Variants in PCTP observed in about 807,000 individuals in gnomAD.
PCTP encodes the protein phosphatidylcholine transfer protein.
PCTP carries 27 observed loss-of-function variants against 31.0 expected under a neutral mutation model. The observed-to-expected ratio is 0.87, with a 90% CI of 0.64 to 1.20. The LOEUF (loss-of-function observed/expected upper bound fraction) is 1.20. PCTP is among the 50% of genes most tolerant of loss of function. The pLI is 0.00. For missense variants in PCTP, 287 were observed against 268.2 expected, an observed-to-expected ratio of 1.07 and a Z score of -0.49; for synonymous variants, 108 against 101.2, an observed-to-expected ratio of 1.07 and a Z score of -0.40.
downstream of PCTP, among the ~76,000 whole-genome samples, chr17:55,845,285 A>G (rs753488357): frequency 1.7e-4 from 26 of 151,966 alleles, no homozygotes; most frequent in Admixed American, 8.5e-4. Context: ...CACTTTGCTC[A>G]TAGGTCTTTC....
At chr17:55,793,289 G>C (rs1279967717) in intron 3 of PCTP, among the ~76,000 whole-genome samples, 1 of 152,010 alleles carries the variant, frequency 6.6e-6, no homozygotes, top group Non-Finnish European at 1.5e-5. Flanking sequence ...AAACACTTGG[G>C]GAGGATGAGG....
chr17:55,844,554 T>C (rs1186481735), downstream of PCTP, among the ~76,000 whole-genome samples: 2 of 151,972 alleles, frequency 1.3e-5, no homozygotes, highest in Non-Finnish European at 2.9e-5. Flanking sequence ...AGAGGAGAAA[T>C]AGAAGATCTG....
intron 5 of PCTP, chr17:55,775,401 C>G: frequency 6.5e-6 from 8 of 1,232,036 alleles, no homozygotes; most frequent in Non-Finnish European, 8.1e-6. Context: ...ACAAGATCTA[C>G]TACTAGAGAG....
At chr17:55,800,675 CT>C (rs940474063) in intron 3 of PCTP, among the ~76,000 whole-genome samples, 6 of 152,088 alleles carry the variant, frequency 3.9e-5, no homozygotes, top group Admixed American at 2.0e-4. Flanking sequence ...ATAAATAGCT[CT>C]TATTATGTTG....
chr17:55,843,602 A>G (rs760959144), downstream of PCTP, among the ~76,000 whole-genome samples: 5 of 152,116 alleles, frequency 3.3e-5, no homozygotes, highest in Non-Finnish European at 7.4e-5. Flanking sequence ...AGTTCTTCTA[A>G]CCTTTCTTTC....
At chr17:55,763,996 G>A (rs1910491983) in intron 1 of PCTP, among the ~76,000 whole-genome samples, 2 of 152,156 alleles carry the variant, frequency 1.3e-5, no homozygotes. Flanking sequence ...AATGTTTAAA[G>A]GAAGTTGTCG....
chr17:55,812,363 C>T (rs530463767), intron 3 of PCTP, among the ~76,000 whole-genome samples: 2 of 152,292 alleles, frequency 1.3e-5, no homozygotes, highest in East Asian at 1.9e-4. Context: ...GTATTTCCCC[C>T]ATGGTACAAA....
In PCTP at chr17:55,776,640, T is replaced by G; in HGVS notation, c.*540T>G. The G allele has an allele frequency of 8.1e-7, 1 of 1,229,976 alleles. No homozygotes were observed. The highest frequency in any genetic ancestry group is 3.2e-5 in the East Asian group (1 of 31,648). The allele number at this position is 1,229,976 out of a possible 1,614,324, so 76.2% of individuals were successfully genotyped here. On this transcript the variant is annotated 3_prime_UTR_variant, in exon 6 of 6. Transcript: ENST00000268896. Reference sequence around the variant, plus strand: ...GACGTGCCAATGTCCATTTGCCTTATGCTTTGTGGAGCTGATTAGGCTGGG... The same window carrying G: ...GACGTGCCAATGTCCATTTGCCTTAGGCTTTGTGGAGCTGATTAGGCTGGG...
downstream of PCTP, among the ~76,000 whole-genome samples, chr17:55,845,206 T>G (rs1485548788): frequency 6.6e-6 from 1 of 151,964 alleles, no homozygotes; most frequent in East Asian, 1.9e-4. Flanking sequence ...AGGAGATGCT[T>G]TAGAGCAGGG....
At chr17:55,846,712 T>G (rs1906158869), downstream of PCTP, among the ~76,000 whole-genome samples, 1 of 152,158 alleles carries the variant, frequency 6.6e-6, no homozygotes, top group South Asian at 2.1e-4. Context: ...TATAGCAAAG[T>G]CCATGATAGT....
chr17:55,798,241 A>T (rs1912249594), intron 3 of PCTP, among the ~76,000 whole-genome samples: 1 of 152,046 alleles, frequency 6.6e-6, no homozygotes, highest in Non-Finnish European at 1.5e-5. Flanking sequence ...CAACATAAAA[A>T]TGTCTAAACT....
chr17:55,765,973 A>G (rs1910623951), intron 1 of PCTP, among the ~76,000 whole-genome samples: 1 of 152,210 alleles, frequency 6.6e-6, no homozygotes, highest in Non-Finnish European at 1.5e-5. Context: ...ATTTGGAACA[A>G]GATGCTCTGA....
intron 3 of PCTP, among the ~76,000 whole-genome samples, chr17:55,819,010 C>CAAAAAAAAAAAAAAAAAAAAAAAAA (rs56823756): frequency 2.0e-5 from 1 of 51,110 alleles, no homozygotes; most frequent in Non-Finnish European, 3.7e-5. Flanking sequence ...GGAAAGAAAT[C>CAAAAAAAAAAAAAAAAAAAAAAAAA]AAAAAAAAAA....
chr17:55,759,585 AT>A (rs1229551859), intron 1 of PCTP, among the ~76,000 whole-genome samples: 1 of 152,118 alleles, frequency 6.6e-6, no homozygotes, highest in African/African-American at 2.4e-5. Context: ...AGATAAATAG[AT>A]TGGGGGTGTT....
intron 3 of PCTP, among the ~76,000 whole-genome samples, chr17:55,788,190 A>G (rs78550055): frequency 0.027 from 4,134 of 152,216 alleles, 185 homozygotes; most frequent in African/African-American, 0.095. Context: ...AGGACTTCAC[A>G]CTAGTTCTTA....
At chr17:55,755,381 T>C (rs969836497) in intron 1 of PCTP, among the ~76,000 whole-genome samples, 19 of 152,102 alleles carry the variant, frequency 1.2e-4, no homozygotes, top group African/African-American at 4.6e-4. Flanking sequence ...AAAAAGAAAA[T>C]TGTGACCATG....
intron 3 of PCTP, among the ~76,000 whole-genome samples, chr17:55,813,885 A>G (rs938724951): frequency 6.6e-6 from 1 of 152,108 alleles, no homozygotes; most frequent in Non-Finnish European, 1.5e-5. Flanking sequence ...TTTACTAAAA[A>G]TAAAAACATA....
At chr17:55,810,549 A>T (rs758681893) in intron 3 of PCTP, among the ~76,000 whole-genome samples, 9 of 152,184 alleles carry the variant, frequency 5.9e-5, no homozygotes, top group Non-Finnish European at 1.0e-4. Context: ...TGCTTTTATT[A>T]TCCTCTACTG....
the PCTP span, among the ~76,000 whole-genome samples, chr17:55,850,668 T>C: frequency 6.6e-6 from 1 of 152,232 alleles, no homozygotes; most frequent in Non-Finnish European, 1.5e-5. Flanking sequence ...ATATACTTTC[T>C]ATGGCACGTA....
Sources: allele counts gnomAD v4.1 joint callset (sites outside exome capture counted in the v4.1 genomes callset), GRCh38; gene constraint gnomAD v4.1.1; transcripts MANE v1.5; gene names NCBI Gene and HGNC (gene_info 2026-07-23, HGNC 2026-07-21).